SLC6A11: variants seen among roughly 807,000 people sequenced by gnomAD.
SLC6A11 encodes the protein sodium- and chloride-dependent GABA transporter 3.
Under a neutral mutation model 74.8 loss-of-function variants are expected in SLC6A11, and 25 were observed. The observed-to-expected ratio is 0.33, with a 90% CI of 0.24 to 0.47. The LOEUF (loss-of-function observed/expected upper bound fraction) is 0.47. SLC6A11 is among the 20% of genes least tolerant of loss of function. The pLI is 1.00. For synonymous variants in SLC6A11, 330 were observed against 330.2 expected, an observed-to-expected ratio of 1.00 and a Z score of 0.01; for missense variants, 574 against 837.0, an observed-to-expected ratio of 0.69 and a Z score of 3.88.
chr3:10,887,618 G>A (rs149634952), intron 6 of SLC6A11, among the ~76,000 whole-genome samples: 38 of 152,092 alleles, frequency 2.5e-4, no homozygotes, highest in African/African-American at 8.9e-4. Flanking sequence ...GCTAATTTTT[G>A]TATTTTTAGT....
intron 9 of SLC6A11, 50 bp from the exon 10 acceptor site, chr3:10,929,152 C>A: frequency 6.2e-7 from 1 of 1,600,092 alleles, no homozygotes; most frequent in Non-Finnish European, 8.5e-7. Flanking sequence ...CCTGGGCCAC[C>A]AGGAGCAGCC....
At chr3:10,916,273 C>T (rs1030658254) in intron 7 of SLC6A11, among the ~76,000 whole-genome samples, 1 of 152,186 alleles carries the variant, frequency 6.6e-6, no homozygotes, top group Admixed American at 6.5e-5. Context: ...CCACTTATAC[C>T]AGCCCAGCCA....
In SLC6A11 at chr3:10,918,566, C is replaced by T. The variant is rs1244360166; in HGVS notation, c.1120+113C>T. ...TCACACATCTCCTGGATTCAGGCCT[C>T]AGAAAGGGGCCCCACCATTCATCCA... is the stretch of plus-strand genomic sequence containing the variant. On this transcript the variant is annotated intron_variant, in intron 8 of 13. Coordinates refer to ENST00000254488, the MANE Select transcript of SLC6A11 (RefSeq NM_014229.3). The surrounding 1 kb of genome is among the most constrained non-coding windows in gnomAD (Gnocchi z 4.5). 7.9e-7 allele frequency: 1 copy of T among 1,264,646 alleles called. No homozygotes were observed. The highest frequency in any genetic ancestry group is 1.1e-6 in the Non-Finnish European group (1 of 939,392). The allele number at this position is 1,264,646 out of a possible 1,614,324, so 78.3% of individuals were successfully genotyped here.
intron 6 of SLC6A11, among the ~76,000 whole-genome samples, chr3:10,906,005 GCC>G (rs749203991): frequency 6.6e-6 from 1 of 152,096 alleles, no homozygotes; most frequent in African/African-American, 2.4e-5. Context: ...TCGATATGTA[GCC>G]CTAGACTTTC....
intron 6 of SLC6A11, among the ~76,000 whole-genome samples, chr3:10,903,906 G>A (rs1206937229): frequency 1.3e-5 from 2 of 152,186 alleles, no homozygotes; most frequent in Admixed American, 6.5e-5. Flanking sequence ...CAAGAGGTAG[G>A]AAAAAGAAGT....
intron 6 of SLC6A11, among the ~76,000 whole-genome samples, chr3:10,886,332 A>G (rs1302274002): frequency 3.3e-5 from 5 of 152,194 alleles, no homozygotes; most frequent in Non-Finnish European, 7.3e-5. Context: ...GCCATGGTCA[A>G]GGAGCCCTCT....
At chr3:10,917,418 C>A (rs1366147027) in intron 7 of SLC6A11, among the ~76,000 whole-genome samples, 2 of 152,156 alleles carry the variant, frequency 1.3e-5, no homozygotes, top group African/African-American at 4.8e-5. Flanking sequence ...ATGCCTCTGG[C>A]AGGAGGTTGA....
chr3:10,901,927 C>T (rs1262948726), intron 6 of SLC6A11, among the ~76,000 whole-genome samples: 1 of 152,192 alleles, frequency 6.6e-6, no homozygotes, highest in African/African-American at 2.4e-5. Flanking sequence ...ATTCTCCTAA[C>T]CTACTTTTAA....
In SLC6A11 at chr3:10,821,512, T is replaced by C. The variant is rs529907882; in HGVS notation, c.532+1660T>C. Among the ~76,000 whole-genome samples the C allele has an allele frequency of 8.5e-5, 13 of 152,302 alleles. No individual in the cohort carries two copies. The East Asian group carries it at 1.5e-3, about 18-fold the overall frequency. ...GGGTAATCAAATCTCAAATAGTCCATGGAGGAATAAACCACCTGAACTCAA... is the reference window on the plus strand; with the variant it reads ...GGGTAATCAAATCTCAAATAGTCCACGGAGGAATAAACCACCTGAACTCAA... On this transcript the variant is annotated intron_variant, in intron 3 of 13. Coordinates refer to ENST00000254488, the MANE Select transcript of SLC6A11 (RefSeq NM_014229.3).
intron 8 of SLC6A11, among the ~76,000 whole-genome samples, chr3:10,924,275 C>T (rs1276032801): frequency 6.6e-6 from 1 of 152,164 alleles, no homozygotes; most frequent in Non-Finnish European, 1.5e-5. Flanking sequence ...AGGATGTATG[C>T]TGTCTCTGCC....
At chr3:10,933,306 A>G in intron 11 of SLC6A11, 53 bp downstream of exon 11, 4 of 1,276,836 alleles carry the variant, frequency 3.1e-6, no homozygotes, top group South Asian at 2.4e-5. Flanking sequence ...GGTACCCAGG[A>G]TCCTGGTGCT....
chr3:10,822,441 C>T (rs1694151146), intron 3 of SLC6A11, among the ~76,000 whole-genome samples: 2 of 152,198 alleles, frequency 1.3e-5, no homozygotes, highest in African/African-American at 4.8e-5. Flanking sequence ...TCTATCCACG[C>T]TGGCCAGTGA....
At chr3:10,874,610 C>T (rs1187990607) in intron 5 of SLC6A11, among the ~76,000 whole-genome samples, 9 of 152,112 alleles carry the variant, frequency 5.9e-5, no homozygotes, top group Non-Finnish European at 2.9e-5. Flanking sequence ...TACTGTCCAG[C>T]AGGTCTCTAG....
chr3:10,935,234 C>G, intron 13 of SLC6A11, 35 bp downstream of exon 13: 1 of 1,602,968 alleles, frequency 6.2e-7, no homozygotes, highest in South Asian at 1.1e-5. Flanking sequence ...TGCGTTTGGG[C>G]AGGGTTCGCG....
intron 5 of SLC6A11, among the ~76,000 whole-genome samples, chr3:10,854,322 G>C (rs542567367): frequency 6.6e-6 from 1 of 152,330 alleles, no homozygotes; most frequent in Non-Finnish European, 1.5e-5. Context: ...CTAGGAGGCA[G>C]AGGTTGCAGT....
At chr3:10,832,169 C>T (rs1340766636) in intron 4 of SLC6A11, among the ~76,000 whole-genome samples, 2 of 152,188 alleles carry the variant, frequency 1.3e-5, no homozygotes, top group African/African-American at 4.8e-5. Flanking sequence ...AGGGATTTCC[C>T]AGAACCCAAA....
In SLC6A11 at chr3:10,836,643, C is replaced by CA. The variant is rs577703206; in HGVS notation, c.624-7568dup. Among the ~76,000 whole-genome samples the CA allele has an allele frequency of 1.3e-4, 20 of 152,304 alleles. No individual in the cohort carries two copies. In the East Asian group the frequency reaches 3.9e-3, roughly 29 times the overall value. The stretch of plus-strand genomic sequence containing the variant: ...AAACATTCAGTTAGATAAAGCTGTA[C>CA]AAATGTATTTGTTTCAGGACTTCTC... On this transcript the variant is annotated intron_variant, in intron 4 of 13. Coordinates refer to ENST00000254488, the MANE Select transcript of SLC6A11 (RefSeq NM_014229.3).
intron 6 of SLC6A11, among the ~76,000 whole-genome samples, chr3:10,896,279 A>C (rs1328189579): frequency 1.3e-5 from 2 of 152,250 alleles, no homozygotes; most frequent in African/African-American, 4.8e-5. Context: ...GGACCTGCCT[A>C]GTCAGCCCCA....
intron 5 of SLC6A11, among the ~76,000 whole-genome samples, chr3:10,858,085 C>T (rs1694659479): frequency 6.6e-6 from 1 of 152,150 alleles, no homozygotes; most frequent in Non-Finnish European, 1.5e-5. Context: ...TATAGAATCA[C>T]CACGAATGCA....
Sources: allele counts gnomAD v4.1 joint callset (sites outside exome capture counted in the v4.1 genomes callset), GRCh38; gene constraint gnomAD v4.1.1; non-coding constraint Gnocchi (gnomAD v3.1); transcripts MANE v1.5; gene names NCBI Gene and HGNC (gene_info 2026-07-23, HGNC 2026-07-21).